VPS13B: variants seen among roughly 807,000 people sequenced by gnomAD.
VPS13B encodes the protein vacuolar protein sorting 13 homolog B, also known as intermembrane lipid transfer protein VPS13B.
VPS13B carries 285 observed loss-of-function variants against 426.4 expected under a neutral mutation model. The observed-to-expected ratio is 0.67, with a 90% CI of 0.61 to 0.74. VPS13B has a LOEUF of 0.74. Among genes scored for constraint, VPS13B ranks in the 30% least tolerant of loss-of-function variants. VPS13B has a pLI of 0.00. For synonymous variants in VPS13B, 1,676 were observed against 1,676.4 expected, an observed-to-expected ratio of 1.00 and a Z score of 0.01; for missense variants, 4,537 against 4,782.6, an observed-to-expected ratio of 0.95 and a Z score of 1.51.
chr8:99,805,337 T>A (rs1286534939), intron 43 of VPS13B, among the ~76,000 whole-genome samples: 1 of 152,086 alleles, frequency 6.6e-6, no homozygotes, highest in Non-Finnish European at 1.5e-5. Flanking sequence ...AAATGAATAG[T>A]GAAATATGTA....
At chr8:99,662,216 A>G (rs532782295) in intron 35 of VPS13B, among the ~76,000 whole-genome samples, 1 of 152,096 alleles carries the variant, frequency 6.6e-6, no homozygotes, top group Non-Finnish European at 1.5e-5. Flanking sequence ...GCATAACTAA[A>G]GTTTTTTTCT....
intron 3 of VPS13B, among the ~76,000 whole-genome samples, chr8:99,064,397 A>G (rs1425895371): frequency 6.6e-6 from 1 of 152,228 alleles, no homozygotes; most frequent in Non-Finnish European, 1.5e-5. Context: ...AATAAACAGT[A>G]TAGAGAAGAC....
intron 3 of VPS13B, among the ~76,000 whole-genome samples, chr8:99,069,829 T>G (rs1844763155): frequency 6.6e-6 from 1 of 152,218 alleles, no homozygotes; most frequent in African/African-American, 2.4e-5. Context: ...CTAAATACAT[T>G]TGAAAAAAAT....
chr8:99,836,168 T>A (rs1442774763), intron 54 of VPS13B, among the ~76,000 whole-genome samples: 1 of 152,184 alleles, frequency 6.6e-6, no homozygotes. Flanking sequence ...TAAGTACAGT[T>A]TTAAAAACCT....
At chr8:99,066,907 G>C (rs1006364036) in intron 3 of VPS13B, among the ~76,000 whole-genome samples, 8 of 152,148 alleles carry the variant, frequency 5.3e-5, no homozygotes, top group African/African-American at 1.9e-4. Context: ...CATCATTACT[G>C]GTCATCAGAG....
chr8:99,113,702 T>G (rs1469848943), intron 6 of VPS13B, among the ~76,000 whole-genome samples: 1 of 152,096 alleles, frequency 6.6e-6, no homozygotes, highest in East Asian at 1.9e-4. Flanking sequence ...GTAGCTGGGA[T>G]TACAGGCGCC....
At chr8:99,683,859 A>C (rs890618247) in intron 35 of VPS13B, among the ~76,000 whole-genome samples, 3 of 152,150 alleles carry the variant, frequency 2.0e-5, no homozygotes, top group Non-Finnish European at 4.4e-5. Context: ...TGCACTGTCT[A>C]TGATTTCCAA....
chr8:99,016,593 T>A (rs1200259805), intron 2 of VPS13B, among the ~76,000 whole-genome samples: 2 of 139,542 alleles, frequency 1.4e-5, no homozygotes, highest in East Asian at 4.0e-4. Flanking sequence ...ATTCTTTTTT[T>A]TTTTTTTTTT....
rs765761643 is a variant in VPS13B at position 99,875,554 on chromosome 8, C to G, written c.11882C>G (p.Pro3961Arg). ...IPCPVVAAEPPPSTVKTYHYL... is the reference protein window; with the variant it reads ...IPCPVVAAEPRPSTVKTYHYL... ...TGCCCTGTGGTGGCTGCAGAACCTC[C>G]CCCCTCCACTGTTAAAACATACCAT... The change falls in exon 62 of 62, where the codon CCC becomes CGC. Residue 3961 changes from proline to arginine, a missense_variant. Physicochemically the swap from Pro to Arg is moderately radical, Grantham distance 103 (BLOSUM62 -2). Transcript: ENST00000357162. 7 of 1,614,026 alleles carry G rather than the reference C, an allele frequency of 4.3e-6. No homozygotes were observed. In the South Asian group the frequency reaches 5.5e-5, roughly 13 times the overall value.
At chr8:99,210,606 T>A (rs117895130) in intron 17 of VPS13B, among the ~76,000 whole-genome samples, 5,740 of 152,128 alleles carry the variant, frequency 0.038, 115 homozygotes, top group Admixed American at 0.046. Context: ...TTGAAAAATA[T>A]ATATATATAT....
intron 19 of VPS13B, chr8:99,348,245 CATG>C (rs1338787534): frequency 6.6e-6 from 1 of 152,230 alleles, no homozygotes; most frequent in Non-Finnish European, 1.5e-5. Flanking sequence ...ACTGATGCCA[CATG>C]ATATTTCTGC....
chr8:99,389,540 T>C (rs1326784402), intron 20 of VPS13B: 1 of 152,166 alleles, frequency 6.6e-6, no homozygotes, highest in Non-Finnish European at 1.5e-5. Context: ...ATATATGTTA[T>C]TCTTACATTA....
chr8:99,134,761 T>C (rs1377502981), intron 9 of VPS13B, 34 bp downstream of exon 9: 3 of 1,518,708 alleles, frequency 2.0e-6, no homozygotes, highest in African/African-American at 1.4e-5. Context: ...TATTTTTAAA[T>C]ATTTTGTTCT....
intron 24 of VPS13B, among the ~76,000 whole-genome samples, chr8:99,471,205 A>C (rs922829203): frequency 5.3e-5 from 8 of 152,142 alleles, no homozygotes; most frequent in African/African-American, 1.9e-4. Context: ...GATCTTTAGG[A>C]ATGAAGGAAA....
At chr8:99,021,102 TAC>T (rs1274697375) in intron 2 of VPS13B, among the ~76,000 whole-genome samples, 1 of 152,212 alleles carries the variant, frequency 6.6e-6, no homozygotes, top group Non-Finnish European at 1.5e-5. Flanking sequence ...CTTTTGTAAA[TAC>T]AGTTTTATTG....
intron 41 of VPS13B, 33 bp downstream of exon 41, chr8:99,776,989 A>T (rs1432930840): frequency 6.3e-7 from 1 of 1,589,974 alleles, no homozygotes. Flanking sequence ...AATAACATCC[A>T]TTTAATACTT....
intron 61 of VPS13B, among the ~76,000 whole-genome samples, chr8:99,872,629 C>A (rs1194030836): frequency 6.6e-6 from 1 of 152,186 alleles, no homozygotes; most frequent in Non-Finnish European, 1.5e-5. Context: ...TCCATGAGAT[C>A]CTAATTATTT....
At position 99,851,891 on chromosome 8, in the gene VPS13B, C is replaced by A. The variant is rs552244901; in HGVS notation, c.10062-1560C>A. ...CTTAAATTTCTAGAAGATCATTGGC[C>A]GCTTTGTTGAAGTAGACTGTAGAGA... On this transcript the variant is annotated intron_variant, in intron 55 of 61. Coordinates refer to ENST00000357162, the MANE Select transcript of VPS13B (RefSeq NM_152564.5). Among the ~76,000 whole-genome samples the A allele has an allele frequency of 3.9e-5, 6 of 152,020 alleles. No individual in the cohort carries two copies. In the South Asian group the frequency reaches 1.2e-3, roughly 32 times the overall value.
chr8:99,606,635 T>TG (rs1234700267), intron 33 of VPS13B, among the ~76,000 whole-genome samples: 5 of 148,170 alleles, frequency 3.4e-5, no homozygotes, highest in African/African-American at 1.2e-4. Context: ...TTTTCTTTTT[T>TG]TTTTTTTTTT....
Sources: gnomAD v4.1 joint callset for allele counts (sites outside exome capture counted in the v4.1 genomes callset) on GRCh38, gnomAD v4.1.1 for gene constraint, MANE v1.5 for transcripts, NCBI Gene and HGNC (gene_info 2026-07-23, HGNC 2026-07-21) for gene names.